PDE9A: variants seen among roughly 807,000 people sequenced by gnomAD.
PDE9A encodes the protein phosphodiesterase 9A.
PDE9A carries 60 observed loss-of-function variants against 87.4 expected under a neutral mutation model. That is an observed-to-expected ratio of 0.69 (90% CI 0.56 to 0.85). PDE9A has a LOEUF of 0.85. PDE9A is among the 40% of genes least tolerant of loss of function. The probability of loss-of-function intolerance (pLI) is 0.00; values close to 1 mark genes in which losing one functional copy is unlikely to be tolerated. For missense variants in PDE9A, 665 were observed against 779.0 expected (o/e 0.85, Z 1.74); for synonymous variants, 272 against 279.4 (o/e 0.97, Z 0.27).
intron 1 of PDE9A, among the ~76,000 whole-genome samples, chr21:42,685,052 C>A (rs1024587723): frequency 3.9e-5 from 6 of 152,208 alleles, no homozygotes; most frequent in South Asian, 2.1e-4. Context: ...TTCCCCCACA[C>A]CGGGGACTTG....
At chr21:42,670,567 TAC>T (rs375020882) in intron 1 of PDE9A, among the ~76,000 whole-genome samples, 19 of 149,200 alleles carry the variant, frequency 1.3e-4, no homozygotes, top group South Asian at 4.2e-4. Context: ...CATTCACACA[TAC>T]ACACACCACA....
intron 1 of PDE9A, among the ~76,000 whole-genome samples, chr21:42,665,659 C>T (rs1033640201): frequency 9.2e-5 from 14 of 152,188 alleles, no homozygotes; most frequent in Non-Finnish European, 1.9e-4. Context: ...CCTAGGAAGC[C>T]GGATGTGTCG....
rs545337163 is a variant in PDE9A, at chr21:42,705,478, G to T, written c.262+6467G>T. The stretch of plus-strand genomic sequence containing the variant: ...TGGCAGGGGAGATGCCTGTGATGAG[G>T]ATTGGGTGCTGTGATCACAGCACGC... On this transcript the variant is annotated intron_variant, in intron 4 of 19. Transcript: ENST00000291539. The surrounding 1 kb of genome is among the most constrained non-coding windows in gnomAD (Gnocchi z 4.3). Among the ~76,000 whole-genome samples, 1 of 152,144 alleles carries T rather than the reference G, an allele frequency of 6.6e-6. No individual in the cohort carries two copies. The highest frequency in any genetic ancestry group is 2.1e-4 in the South Asian group (1 of 4,816).
At chr21:42,706,049 G>A (rs1004805255) in intron 4 of PDE9A, among the ~76,000 whole-genome samples, 25 of 152,240 alleles carry the variant, frequency 1.6e-4, no homozygotes, top group African/African-American at 6.0e-4. Flanking sequence ...GCCAGAGGAG[G>A]CCGGCGGCCG....
chr21:42,762,100 G>A lies in PDE9A; in HGVS notation c.1103G>A (p.Arg368His), dbSNP rs771947665. The change falls in exon 14 of 20, where the codon CGC (arginine) becomes CAC (histidine). Residue 368 changes from arginine to histidine, a missense_variant. By Grantham distance (29) the Arg-to-His change is conservative. Transcript: ENST00000291539. ...CCTCCCAGGTACCAGATCAATGCCC[G>A]CACAGAGCTGGCGGTCCGCTACAAT... ...GYNNTYQINA[R>H]TELAVRYNDI... 8 of 1,613,884 alleles carry A rather than the reference G, an allele frequency of 5.0e-6. No homozygotes were observed. Among genetic ancestry groups the A allele is most frequent in the South Asian group, 2.2e-5 (2 of 91,054 alleles).
In PDE9A at chr21:42,686,310, C is replaced by A. The variant is rs201148413; in HGVS notation, c.140+48C>A. 7 of 1,509,868 alleles carry A rather than the reference C, an allele frequency of 4.6e-6. No individual in the cohort carries two copies. The East Asian group carries it at 1.6e-4, about 34-fold the overall frequency. 93.5% of individuals were successfully genotyped at this position (1,509,868 alleles called of 1,614,324 possible). ...GCCCGGTGACGCCACGCGGCCTCCT[C>A]GCCTTTTCGGGATGGCTGGGAGGGG... is the stretch of plus-strand genomic sequence containing the variant. On this transcript the variant is annotated intron_variant, in intron 2 of 19. Coordinates refer to ENST00000291539, the MANE Select transcript of PDE9A (RefSeq NM_002606.3).
At chr21:42,735,401 T>C (rs555380986) in intron 7 of PDE9A, among the ~76,000 whole-genome samples, 1 of 152,282 alleles carries the variant, frequency 6.6e-6, no homozygotes, top group Admixed American at 6.5e-5. Flanking sequence ...TGAAGCTGCC[T>C]CACAAAGCAC....
chr21:42,661,967 C>T (rs1204342548), intron 1 of PDE9A, among the ~76,000 whole-genome samples: 1 of 152,110 alleles, frequency 6.6e-6, no homozygotes, highest in Non-Finnish European at 1.5e-5. Flanking sequence ...GCCGATTTGT[C>T]ATTTGTCTGC....
At chr21:42,769,667 C>CACGTGCACACGTACACAGGCAT (rs2056825418) in intron 17 of PDE9A, among the ~76,000 whole-genome samples, 1 of 45,122 alleles carries the variant, frequency 2.2e-5, no homozygotes, top group Non-Finnish European at 4.0e-5. Flanking sequence ...CACATAGGCA[C>CACGTGCACACGTACACAGGCAT]ACAAATGCAC....
chr21:42,749,487 C>T (rs1397528422), intron 8 of PDE9A, among the ~76,000 whole-genome samples: 1 of 152,220 alleles, frequency 6.6e-6, no homozygotes, highest in Non-Finnish European at 1.5e-5. Context: ...CTCATTCAGC[C>T]TCTGGGGACC....
intron 19 of PDE9A, among the ~76,000 whole-genome samples, 198 bp downstream of exon 19, chr21:42,772,718 C>G (rs2057132758): frequency 6.6e-6 from 1 of 151,872 alleles, no homozygotes; most frequent in Non-Finnish European, 1.5e-5. Flanking sequence ...ACTACAACCT[C>G]TGTCTCCTGA....
rs183120128 is a variant in PDE9A, at chr21:42,760,137, C to G, written c.898-191C>G. ...CTGCCCCGGGTGCCGTGGTGTGGCC[C>G]GCTGGACGTTCTCAGGGTCCCTGTG... On this transcript the variant is annotated intron_variant, in intron 11 of 19. Coordinates refer to ENST00000291539, the MANE Select transcript of PDE9A (RefSeq NM_002606.3). The surrounding 1 kb of genome is among the most constrained non-coding windows in gnomAD (Gnocchi z 5.2). Among the ~76,000 whole-genome samples the G allele has an allele frequency of 1.3e-5, 2 of 152,024 alleles. No homozygotes were observed. The highest frequency in any genetic ancestry group is 2.4e-5 in the African/African-American group (1 of 41,364).
chr21:42,660,478 GA>G lies in PDE9A; in HGVS notation c.69+6598del, dbSNP rs1434645543. 6.6e-6 allele frequency among the ~76,000 whole-genome samples: 1 copy of G among 152,052 alleles called. No individual in the cohort carries two copies. Among genetic ancestry groups the G allele is most frequent in the African/African-American group, 2.4e-5 (1 of 41,374 alleles). On this transcript the variant is annotated intron_variant, in intron 1 of 19. Coordinates refer to ENST00000291539, the MANE Select transcript of PDE9A (RefSeq NM_002606.3). This position sits in a 1 kb window ranked among gnomAD's most constrained non-coding sequence, Gnocchi z 4.7. ...TATTTTTGAGAAGAAAATGTTCTAA[GA>G]AAGTGCACAGGGTGGTGGATGAAAG...
intron 4 of PDE9A, among the ~76,000 whole-genome samples, chr21:42,710,944 C>A (rs570067152): frequency 6.6e-6 from 1 of 152,056 alleles, no homozygotes. Context: ...GCTGAGATCG[C>A]GCCTTGCACT....
intron 8 of PDE9A, among the ~76,000 whole-genome samples, chr21:42,748,323 T>G (rs1212440766): frequency 1.3e-5 from 2 of 152,220 alleles, no homozygotes; most frequent in East Asian, 3.8e-4. Flanking sequence ...ATTTTGTTGG[T>G]TGGTTTTGTT....
chr21:42,724,741 A>T (rs1174840225), intron 4 of PDE9A: 1 of 278,038 alleles, frequency 3.6e-6, no homozygotes, highest in African/African-American at 2.3e-5. Context: ...TGGGTGGCGC[A>T]TTGGCCGAGG....
At position 42,769,520 on chromosome 21, in the gene PDE9A, GCACACAGGCA is replaced by G. The variant is rs1373615145; in HGVS notation, c.1590+380_1590+389del. On this transcript the variant is annotated intron_variant, in intron 17 of 19. Transcript: ENST00000291539. ...GCACGCAGGTACACATGCACACAAG[GCACACAGGCA>G]CACACAGGCACACAAATGCACACAC... Among the ~76,000 whole-genome samples the G allele has an allele frequency of 3.6e-4, 19 of 52,318 alleles. No homozygotes were observed. In the East Asian group the frequency reaches 4.2e-3, roughly 11 times the overall value. 34.3% of individuals were successfully genotyped at this position (52,318 alleles called of 152,430 possible).
chr21:42,717,449 C>A (rs1488127926), intron 4 of PDE9A, among the ~76,000 whole-genome samples: 1 of 150,726 alleles, frequency 6.6e-6, no homozygotes, highest in African/African-American at 2.4e-5. Flanking sequence ...CACCACCATG[C>A]CCACCCAGGC....
At chr21:42,697,682 T>C (rs543973375) in intron 3 of PDE9A, among the ~76,000 whole-genome samples, 1 of 152,364 alleles carries the variant, frequency 6.6e-6, no homozygotes, top group East Asian at 1.9e-4. Context: ...GCCTTCTGGC[T>C]GTGCCCTCAT....
Sources: allele counts gnomAD v4.1 joint callset (sites outside exome capture counted in the v4.1 genomes callset), GRCh38; gene constraint gnomAD v4.1.1; non-coding constraint Gnocchi (gnomAD v3.1); transcripts MANE v1.5; gene names NCBI Gene and HGNC (gene_info 2026-07-23, HGNC 2026-07-21).